DYSF: variants seen among roughly 807,000 people sequenced by gnomAD.
The protein encoded by DYSF is dystrophy-associated fer-1-like 1.
In DYSF, 212 loss-of-function variants were observed where a neutral mutation model predicts 274.9. The ratio of observed to expected loss-of-function variants is 0.77; its 90% CI spans 0.69 to 0.86. The LOEUF (loss-of-function observed/expected upper bound fraction) is 0.86. Ranked by LOEUF, DYSF falls within the 40% of genes least tolerant of loss-of-function variation. The pLI is 0.00. For missense variants in DYSF, 2,666 were observed against 2,783.2 expected (o/e 0.96, Z 0.95); for synonymous variants, 1,091 against 1,078.7 (o/e 1.01, Z -0.22).
chr2:71,505,559 T>C (rs1559027399), intron 4 of DYSF, among the ~76,000 whole-genome samples: 2 of 152,202 alleles, frequency 1.3e-5, no homozygotes, highest in Non-Finnish European at 2.9e-5. Context: ...TGCCTTTTGC[T>C]CAGTGTTCTC....
At position 71,615,315 on chromosome 2, in the gene DYSF, G is replaced by A. The variant is rs550714081; in HGVS notation, c.4464+1905G>A. 6.6e-6 allele frequency among the ~76,000 whole-genome samples: 1 copy of A among 152,250 alleles called. No homozygotes were observed. Among genetic ancestry groups the A allele is most frequent in the East Asian group, 1.9e-4 (1 of 5,142 alleles). On this transcript the variant is annotated intron_variant, in intron 40 of 55. Coordinates refer to ENST00000410020, the MANE Select transcript of DYSF (RefSeq NM_001130987.2). The surrounding 1 kb of genome is among the most constrained non-coding windows in gnomAD (Gnocchi z 4.9). ...CAGCACTGGTGGGAGCTGGGATGGG[G>A]CTCCTGGAGGTGTACCCACCTGGGG...
At chr2:71,600,990 A>G in intron 34 of DYSF, 148 bp downstream of exon 34, 4 of 1,019,174 alleles carry the variant, frequency 3.9e-6, no homozygotes, top group Non-Finnish European at 5.8e-6. Context: ...ACCATCTAAC[A>G]TCGGAATAGA....
chr2:71,574,144 G>T, intron 29 of DYSF, 54 bp from the exon 30 acceptor site: 3 of 1,599,906 alleles, frequency 1.9e-6, no homozygotes, highest in African/African-American at 2.7e-5. Flanking sequence ...GCCGAGCACA[G>T]AACTCCCCCC....
At chr2:71,590,142 C>A in intron 31 of DYSF, 69 bp from the exon 32 acceptor site, 1 of 1,512,678 alleles carries the variant, frequency 6.6e-7, no homozygotes, top group Admixed American at 1.7e-5. Flanking sequence ...ACTCCACCTC[C>A]CCCCGAGCCC....
At chr2:71,555,047 G>A (rs953450162) in intron 21 of DYSF, among the ~76,000 whole-genome samples, 17 of 151,940 alleles carry the variant, frequency 1.1e-4, no homozygotes, top group Non-Finnish European at 2.2e-4. Context: ...GGGCGTGTCT[G>A]TGGGTGGGGA....
At chr2:71,526,405 T>TGGGTGGGGGGGGGGGGGGG in intron 13 of DYSF, 59 bp downstream of exon 13, 1 of 370,362 alleles carries the variant, frequency 2.7e-6, no homozygotes. Flanking sequence ...GCAGGGCTGG[T>TGGGTGGGGGGGGGGGGGGG]GGGGGTGGGC....
intron 52 of DYSF, among the ~76,000 whole-genome samples, chr2:71,677,290 C>T (rs2095237734): frequency 6.6e-6 from 1 of 152,154 alleles, no homozygotes; most frequent in Non-Finnish European, 1.5e-5. Flanking sequence ...ATGCATTCTA[C>T]ACTGAAAAAA....
intron 42 of DYSF, among the ~76,000 whole-genome samples, chr2:71,647,028 A>C (rs1026457141): frequency 6.6e-6 from 1 of 152,192 alleles, no homozygotes; most frequent in African/African-American, 2.4e-5. Context: ...TATGCATAGA[A>C]TAGTAAAGCT....
intron 14 of DYSF, among the ~76,000 whole-genome samples, chr2:71,529,923 A>G (rs887423936): frequency 1.2e-4 from 18 of 152,102 alleles, no homozygotes; most frequent in African/African-American, 4.3e-4. Context: ...TAAATCAGTC[A>G]TTATTGTGTT....
chr2:71,607,418 AAGATT>A (rs2093666837), intron 36 of DYSF, among the ~76,000 whole-genome samples: 1 of 152,196 alleles, frequency 6.6e-6, no homozygotes, highest in Non-Finnish European at 1.5e-5. Flanking sequence ...CAGGAGCTGG[AAGATT>A]AGAGGTCTTG....
chr2:71,552,871 G>A (rs2091046522), intron 19 of DYSF, 140 bp from the exon 20 acceptor site: 11 of 813,734 alleles, frequency 1.4e-5, no homozygotes, highest in Middle Eastern at 2.4e-4. Flanking sequence ...TCTTTCTTGG[G>A]CTACTTGCCA....
At chr2:71,470,917 G>A (rs996134774) in intron 1 of DYSF, among the ~76,000 whole-genome samples, 18 of 151,128 alleles carry the variant, frequency 1.2e-4, no homozygotes, top group Admixed American at 5.3e-4. Flanking sequence ...TCAGCCTCCC[G>A]AGTAGCTGGG....
chr2:71,658,539 A>G (rs2094817669), intron 43 of DYSF, among the ~76,000 whole-genome samples: 1 of 152,206 alleles, frequency 6.6e-6, no homozygotes, highest in Non-Finnish European at 1.5e-5. Flanking sequence ...GAAGAAAAAG[A>G]GGTTTAATTG....
intron 5 of DYSF, 52 bp downstream of exon 5, chr2:71,511,973 G>A (rs2086146874): frequency 3.4e-6 from 4 of 1,191,122 alleles, no homozygotes; most frequent in South Asian, 2.6e-5. Flanking sequence ...GCCGGCAGTG[G>A]CACTTGAGCC....
intron 10 of DYSF, 37 bp from the exon 11 acceptor site, chr2:71,520,141 C>T: frequency 6.2e-7 from 1 of 1,613,906 alleles, no homozygotes. Flanking sequence ...GCTTTGGCGG[C>T]AAGAGTTTGA....
intron 11 of DYSF, among the ~76,000 whole-genome samples, 174 bp from the exon 12 acceptor site, chr2:71,520,613 ACT>A (rs1199922100): frequency 6.6e-6 from 1 of 151,936 alleles, no homozygotes; most frequent in African/African-American, 2.4e-5. Flanking sequence ...AATATTTCTG[ACT>A]CTGACCACAT....
intron 17 of DYSF, among the ~76,000 whole-genome samples, chr2:71,541,223 T>G (rs1195824220): frequency 6.6e-6 from 1 of 152,238 alleles, no homozygotes; most frequent in Non-Finnish European, 1.5e-5. Context: ...CTTTGAGGGT[T>G]TGAAATAATT....
At chr2:71,656,849 C>T (rs1369345276) in intron 43 of DYSF, among the ~76,000 whole-genome samples, 1 of 152,156 alleles carries the variant, frequency 6.6e-6, no homozygotes, top group East Asian at 1.9e-4. Context: ...TCCCCCAACA[C>T]GTGGGAATTC....
At position 71,686,447 on chromosome 2, in the gene DYSF, C is replaced by T. The variant is rs749806665; in HGVS notation, c.6322-7C>T. On this transcript the variant is annotated splice_region_variant and splice_polypyrimidine_tract_variant and intron_variant, in intron 55 of 55. Transcript: ENST00000410020. ...ACCATGGGTCCCTGTCTCCTCCCTC[C>T]CTCCAGAACTATGCTGCCATGAAGC... 8 of 1,614,024 alleles carry T rather than the reference C, an allele frequency of 5.0e-6. No individual in the cohort carries two copies. Among genetic ancestry groups the T allele is most frequent in the Admixed American group, 1.7e-5 (1 of 60,014 alleles).
Sources: allele counts gnomAD v4.1 joint callset (sites outside exome capture counted in the v4.1 genomes callset), GRCh38; gene constraint gnomAD v4.1.1; non-coding constraint Gnocchi (gnomAD v3.1); transcripts MANE v1.5; gene names NCBI Gene and HGNC (gene_info 2026-07-23, HGNC 2026-07-21).